Variants in IDNK observed in about 807,000 individuals in gnomAD.
IDNK encodes gluconokinase.
IDNK carries 9 observed loss-of-function variants against 13.0 expected under a neutral mutation model. The ratio of observed to expected loss-of-function variants is 0.69; its 90% CI spans 0.42 to 1.21. The LOEUF is 1.21. Ranked by LOEUF, IDNK falls within the 50% of genes most tolerant of loss-of-function variation. The pLI, the probability that IDNK is intolerant of heterozygous loss-of-function variation, is 0.00. For missense variants in IDNK, 210 were observed against 237.8 expected, an observed-to-expected ratio of 0.88 and a Z score of 0.77; for synonymous variants, 92 against 94.9, an observed-to-expected ratio of 0.97 and a Z score of 0.18.
Position 83,643,899 on chromosome 9 carries a change from A to G in IDNK, c.*119A>G, listed in dbSNP as rs1055325686. 1.5e-6 allele frequency: 1 copy of G among 676,676 alleles called. No individual in the cohort carries two copies. Among genetic ancestry groups the G allele is most frequent in the Non-Finnish European group, 2.5e-6 (1 of 406,436 alleles). 41.9% of individuals were successfully genotyped at this position (676,676 alleles called of 1,614,324 possible). A position where few individuals can be genotyped will look rare whatever the true frequency, so the allele number is the denominator to read the frequency against. ...TAAATGTTTCTAAAGGCAAACCCCAATGTGTCAAGACAGACTTGTTTAGGT... is the reference window on the plus strand; with the variant it reads ...TAAATGTTTCTAAAGGCAAACCCCAGTGTGTCAAGACAGACTTGTTTAGGT... On this transcript the variant is annotated 3_prime_UTR_variant, in exon 5 of 5. Coordinates refer to ENST00000376419, the MANE Select transcript of IDNK (RefSeq NM_001001551.4).
intron 3 of IDNK, among the ~76,000 whole-genome samples, chr9:83,634,584 T>G (rs1564148296): frequency 6.6e-6 from 1 of 152,252 alleles, no homozygotes; most frequent in East Asian, 1.9e-4. Flanking sequence ...ACATAGAAAG[T>G]ATAATGAATA....
intron 3 of IDNK, among the ~76,000 whole-genome samples, chr9:83,640,006 T>C (rs1423468978): frequency 6.6e-6 from 1 of 152,162 alleles, no homozygotes; most frequent in African/African-American, 2.4e-5. Flanking sequence ...CCTGATTCTT[T>C]AGCCAAGTAA....
chr9:83,628,772 C>A, intron 2 of IDNK, 101 bp from the exon 3 acceptor site: 2 of 799,534 alleles, frequency 2.5e-6, no homozygotes, highest in Non-Finnish European at 4.3e-6. Flanking sequence ...GGGAACCAGG[C>A]GGGTGGTATT....
At chr9:83,628,097 T>G (rs1200131358) in intron 1 of IDNK, 84 bp from the exon 2 acceptor site, 55 of 1,542,930 alleles carry the variant, frequency 3.6e-5, no homozygotes, top group Non-Finnish European at 4.5e-5. Context: ...AAGGCAGCCA[T>G]CCCTTTCCCA....
intron 3 of IDNK, among the ~76,000 whole-genome samples, chr9:83,637,298 G>A (rs887421944): frequency 2.6e-5 from 4 of 152,212 alleles, no homozygotes; most frequent in East Asian, 1.9e-4. Context: ...ACATTAGCAC[G>A]CAGTGCTTTA....
intron 2 of IDNK, 52 bp downstream of exon 2, chr9:83,628,263 TCTC>T: frequency 7.1e-7 from 1 of 1,402,934 alleles, no homozygotes. Flanking sequence ...TGTGTTCTGG[TCTC>T]CTTGCATCTC....
In IDNK at chr9:83,643,449, G is replaced by A. The variant is rs367547246; in HGVS notation, c.233G>A (p.Arg78His). Residue 78 changes from arginine (R) to histidine (H), a missense_variant, in exon 5 of 5, where the codon CGT becomes CAT. Physicochemically the swap from Arg to His is conservative, Grantham distance 29. Coordinates refer to ENST00000376419, the MANE Select transcript of IDNK (RefSeq NM_001001551.4). ...ILLRDVASGQRVVLACSALKK... is the reference protein window; with the variant it reads ...ILLRDVASGQHVVLACSALKK... ...AACAGAGATGTAGCCTCGGGACAGC[G>A]TGTGGTTCTAGCCTGTTCAGCCCTG... The A allele has an allele frequency of 1.4e-5, 23 of 1,608,748 alleles. No individual in the cohort carries two copies. The highest frequency in any genetic ancestry group is 1.7e-4 in the Middle Eastern group (1 of 6,044).
At chr9:83,629,011 T>G (rs1830939463) in intron 3 of IDNK, 52 bp downstream of exon 3, 2 of 1,456,546 alleles carry the variant, frequency 1.4e-6, no homozygotes, top group African/African-American at 2.8e-5. Context: ...GGTGACAGGA[T>G]GAGCTCGCTA....
intron 3 of IDNK, among the ~76,000 whole-genome samples, chr9:83,630,559 A>C (rs1422088915): frequency 6.6e-6 from 1 of 152,200 alleles, no homozygotes; most frequent in Admixed American, 6.5e-5. Flanking sequence ...ATGCACAGAA[A>C]AGTGCCTGTA....
chr9:83,636,754 T>C (rs547876698), intron 3 of IDNK, among the ~76,000 whole-genome samples: 1 of 152,330 alleles, frequency 6.6e-6, no homozygotes, highest in East Asian at 1.9e-4. Flanking sequence ...AAAACCTTTC[T>C]TGAAAATTTA....
intron 3 of IDNK, among the ~76,000 whole-genome samples, chr9:83,633,611 G>A (rs975415763): frequency 6.6e-6 from 1 of 152,096 alleles, no homozygotes; most frequent in African/African-American, 2.4e-5. Context: ...ATTCAGAGTT[G>A]GAAATAAGTA....
chr9:83,630,675 A>T (rs1268450953), intron 3 of IDNK, among the ~76,000 whole-genome samples: 1 of 152,264 alleles, frequency 6.6e-6, no homozygotes, highest in African/African-American at 2.4e-5. Flanking sequence ...ATAAAATGTG[A>T]CTGTGCCAGT....
chr9:83,634,103 T>C (rs900318472), intron 3 of IDNK, among the ~76,000 whole-genome samples: 2 of 152,220 alleles, frequency 1.3e-5, no homozygotes, highest in Non-Finnish European at 2.9e-5. Flanking sequence ...GAAAAAACCT[T>C]TCTCCTTGTG....
At chr9:83,634,930 G>A (rs1317354904) in intron 3 of IDNK, among the ~76,000 whole-genome samples, 1 of 152,180 alleles carries the variant, frequency 6.6e-6, no homozygotes, top group Non-Finnish European at 1.5e-5. Flanking sequence ...TTAACTCTAA[G>A]TAGATATGTG....
chr9:83,636,942 C>A (rs1299687103), intron 3 of IDNK, among the ~76,000 whole-genome samples: 1 of 152,210 alleles, frequency 6.6e-6, no homozygotes, highest in Non-Finnish European at 1.5e-5. Flanking sequence ...GCCTCATCAT[C>A]TTGTTACTGC....
At chr9:83,633,275 C>G (rs552268826) in intron 3 of IDNK, among the ~76,000 whole-genome samples, 1 of 152,076 alleles carries the variant, frequency 6.6e-6, no homozygotes, top group African/African-American at 2.4e-5. Context: ...GGAGGTGGAG[C>G]TTGCAGTGAG....
chr9:83,631,319 T>C (rs1831005865), intron 3 of IDNK, among the ~76,000 whole-genome samples: 2 of 151,898 alleles, frequency 1.3e-5, no homozygotes, highest in Admixed American at 6.6e-5. Context: ...TCCCTAAGGC[T>C]ATTTAAATGT....
chr9:83,629,459 G>A (rs1382441040), intron 3 of IDNK, among the ~76,000 whole-genome samples: 2 of 152,176 alleles, frequency 1.3e-5, no homozygotes, highest in African/African-American at 4.8e-5. Context: ...AGCATGCATG[G>A]CATGGCCTCC....
At chr9:83,633,237 G>A (rs1365984529) in intron 3 of IDNK, among the ~76,000 whole-genome samples, 1 of 152,204 alleles carries the variant, frequency 6.6e-6, no homozygotes, top group African/African-American at 2.4e-5. Flanking sequence ...TACTCGGGAG[G>A]CTGAGGCGGG....
Sources: gnomAD v4.1 joint callset for allele counts (sites outside exome capture counted in the v4.1 genomes callset) on GRCh38, gnomAD v4.1.1 for gene constraint, MANE v1.5 for transcripts, NCBI Gene and HGNC (gene_info 2026-07-23, HGNC 2026-07-21) for gene names.